MAP1LC3C: variants seen among roughly 807,000 people sequenced by gnomAD.
MAP1LC3C encodes the protein microtubule-associated protein 1 light chain 3 gamma.
In MAP1LC3C, 12 loss-of-function variants were observed where a neutral mutation model predicts 10.4. The observed-to-expected ratio is 1.15, with a 90% CI of 0.74 to 1.86. MAP1LC3C has a LOEUF of 1.86. Ranked by LOEUF, MAP1LC3C falls within the 40% of genes most tolerant of loss-of-function variation. The pLI is 0.00. For missense variants in MAP1LC3C, 177 were observed against 185.7 expected (o/e 0.95, Z 0.27); for synonymous variants, 70 against 69.0 (o/e 1.01, Z -0.07).
In MAP1LC3C at chr1:241,998,808, C is replaced by T; in HGVS notation, c.82G>A (p.Gly28Arg). Residue 28 changes from glycine to arginine, a missense_variant, in exon 2 of 4, where the codon GGA becomes AGA. Gly to Arg is a moderately radical substitution (Grantham distance 125). Coordinates refer to ENST00000357246, the MANE Select transcript of MAP1LC3C (RefSeq NM_001004343.3). ...TTGTTGGGGAACTTTGCCCGGATTC[C>T]AGCAACTTCCTCTTGTCTGATTGCT... ...SLAIRQEEVA[G>R]IRAKFPNKIP... 1 of 1,614,120 alleles carries T rather than the reference C, an allele frequency of 6.2e-7. No individual in the cohort carries two copies. Among genetic ancestry groups the T allele is most frequent in the Non-Finnish European group, 8.5e-7 (1 of 1,180,036 alleles).
chr1:241,998,430 A>G, intron 3 of MAP1LC3C, 84 bp downstream of exon 3: 2 of 1,235,896 alleles, frequency 1.6e-6, no homozygotes, highest in South Asian at 1.2e-5. Flanking sequence ...CCCATCCCCA[A>G]AATAAAACTG....
upstream of MAP1LC3C, among the ~76,000 whole-genome samples, chr1:241,999,292 A>C (rs1665150978): frequency 1.3e-5 from 2 of 152,194 alleles, no homozygotes; most frequent in African/African-American, 4.8e-5. Context: ...TTGCAAAAGA[A>C]ATTAGGGTTT....
upstream of MAP1LC3C, among the ~76,000 whole-genome samples, chr1:242,001,226 G>T (rs547527234): frequency 2.3e-4 from 35 of 152,186 alleles, no homozygotes; most frequent in African/African-American, 7.9e-4. Flanking sequence ...GCAGTAAGCT[G>T]AGATTGTGCC....
upstream of MAP1LC3C, among the ~76,000 whole-genome samples, chr1:242,000,633 G>A (rs28863307): frequency 0.58 from 87,438 of 151,990 alleles, 25,462 homozygotes; most frequent in South Asian, 0.69. Flanking sequence ...CAGAACTCAG[G>A]GAAACACTTT....
chr1:242,000,082 A>G (rs947916258), upstream of MAP1LC3C, among the ~76,000 whole-genome samples: 3 of 152,116 alleles, frequency 2.0e-5, no homozygotes, highest in Non-Finnish European at 4.4e-5. Context: ...GGTTCCCCAT[A>G]CACCGAGCAA....
Position 241,996,394 on chromosome 1 carries a change from G to A in MAP1LC3C, c.222-9C>T. The A allele has an allele frequency of 6.2e-7, 1 of 1,612,086 alleles. No homozygotes were observed. The highest frequency in any genetic ancestry group is 1.3e-5 in the African/African-American group (1 of 74,978). On this transcript the variant is annotated splice_polypyrimidine_tract_variant and intron_variant, in intron 3 of 3. Transcript: ENST00000357246. ...TCAGGACCATGCGGCTCCTGGGATG[G>A]GCAGGAGGGTGGTGAGGGTATGGCC...
upstream of MAP1LC3C, among the ~76,000 whole-genome samples, chr1:242,000,159 A>G (rs1271216394): frequency 1.3e-5 from 2 of 152,226 alleles, no homozygotes; most frequent in African/African-American, 2.4e-5. Context: ...ACCTGGAGAC[A>G]GCATCAGATC....
At chr1:242,000,339 C>A (rs192991881), upstream of MAP1LC3C, among the ~76,000 whole-genome samples, 2 of 152,180 alleles carry the variant, frequency 1.3e-5, no homozygotes, top group Admixed American at 1.3e-4. Flanking sequence ...CTCCTGAGTT[C>A]AAGCGATTTC....
rs1255105013 is a variant in MAP1LC3C at position 241,996,373 on chromosome 1, G to T, written c.234C>A (p.Val78=). ...QFLSIIRSRM[V]LRATEAFYLL... The stretch of plus-strand genomic sequence containing the variant: ...AGTAAAAGGCTTCCGTGGCTCTCAG[G>T]ACCATGCGGCTCCTGGGATGGGCAG... Residue 78 remains valine, a synonymous_variant, in exon 4 of 4, where the codon GTC becomes GTA. Coordinates refer to ENST00000357246, the MANE Select transcript of MAP1LC3C (RefSeq NM_001004343.3). 2 of 1,614,002 alleles carry T rather than the reference G, an allele frequency of 1.2e-6. No individual in the cohort carries two copies. The highest frequency in any genetic ancestry group is 2.2e-5 in the South Asian group (2 of 91,062).
chr1:241,999,589 C>T (rs536444303), upstream of MAP1LC3C, among the ~76,000 whole-genome samples: 7 of 152,268 alleles, frequency 4.6e-5, no homozygotes, highest in African/African-American at 7.2e-5. Context: ...AATCCCAGCA[C>T]GTGGGAGGCC....
upstream of MAP1LC3C, among the ~76,000 whole-genome samples, chr1:242,000,043 A>ATG (rs35676574): frequency 7.5e-4 from 113 of 150,848 alleles, no homozygotes; most frequent in Middle Eastern, 3.4e-3. Flanking sequence ...TTGACACTAG[A>ATG]TGTGTGTGTG....
chr1:241,996,002 A>G lies in MAP1LC3C; in HGVS notation c.*161T>C. On this transcript the variant is annotated 3_prime_UTR_variant, in exon 4 of 4. Transcript: ENST00000357246. ...GGACACAAGAACACGGAGCACAAAA[A>G]CTAAACTAGGAAGAGCCACCACTCT... 1 of 562,462 alleles carries G rather than the reference A, an allele frequency of 1.8e-6. No homozygotes were observed. The highest frequency in any genetic ancestry group is 3.1e-6 in the Non-Finnish European group (1 of 325,982). 34.8% of individuals were successfully genotyped at this position (562,462 alleles called of 1,614,324 possible).
Position 241,995,905 on chromosome 1 carries a change from C to T in MAP1LC3C, c.*258G>A, listed in dbSNP as rs1300765498. 1.8e-5 allele frequency: 6 copies of T among 332,738 alleles called. No homozygotes were observed. The highest frequency in any genetic ancestry group is 3.3e-5 in the Non-Finnish European group (6 of 179,838). The allele number at this position is 332,738 out of a possible 1,614,324, so 20.6% of individuals were successfully genotyped here. On this transcript the variant is annotated 3_prime_UTR_variant, in exon 4 of 4. Coordinates refer to ENST00000357246, the MANE Select transcript of MAP1LC3C (RefSeq NM_001004343.3). ...CTGTGCTCCAGCCTAGGCAATAGAG[C>T]AAGACCCTGTTTCAAAAAAAAAAAA...
At position 241,995,774 on chromosome 1, in the gene MAP1LC3C, C is replaced by T. The variant is rs898541922; in HGVS notation, c.*389G>A. The T allele has an allele frequency of 6.3e-6, 1 of 157,836 alleles. No homozygotes were observed. Among genetic ancestry groups the T allele is most frequent in the Non-Finnish European group, 1.4e-5 (1 of 71,392 alleles). 9.8% of individuals were successfully genotyped at this position (157,836 alleles called of 1,614,324 possible). Reference sequence around the variant, plus strand: ...TCTCTACTAAAAATACAAAAATTAGCCTGGTGTGGTGGCATGTGCTTGTAA... The same window carrying T: ...TCTCTACTAAAAATACAAAAATTAGTCTGGTGTGGTGGCATGTGCTTGTAA... On this transcript the variant is annotated 3_prime_UTR_variant, in exon 4 of 4. Coordinates refer to ENST00000357246, the MANE Select transcript of MAP1LC3C (RefSeq NM_001004343.3).
chr1:241,998,689 G>T, intron 2 of MAP1LC3C, 69 bp from the exon 3 acceptor site: 1 of 1,608,246 alleles, frequency 6.2e-7, no homozygotes, highest in South Asian at 1.1e-5. Context: ...CAGACAGAGG[G>T]AAGCTGTTGG....
rs769809561 is a variant in MAP1LC3C, at chr1:241,998,760, T to C, written c.114+16A>G. The C allele has an allele frequency of 1.9e-6, 3 of 1,613,378 alleles. No homozygotes were observed. Among genetic ancestry groups the C allele is most frequent in the Admixed American group, 1.7e-5 (1 of 59,944 alleles). The stretch of plus-strand genomic sequence containing the variant: ...CCACCCCCACGCCCCCCAGCGGAAG[T>C]CCAGTGGTGTCTTACCGGGATTTTG... On this transcript the variant is annotated intron_variant, in intron 2 of 3. Transcript: ENST00000357246.
At chr1:242,000,492 G>C (rs1464323861), upstream of MAP1LC3C, among the ~76,000 whole-genome samples, 1 of 152,158 alleles carries the variant, frequency 6.6e-6, no homozygotes, top group Non-Finnish European at 1.5e-5. Flanking sequence ...CTCCCAAAGA[G>C]CTGGGATCTC....
chr1:242,001,304 C>G (rs1665192694), upstream of MAP1LC3C, among the ~76,000 whole-genome samples: 1 of 150,438 alleles, frequency 6.6e-6, no homozygotes, highest in Non-Finnish European at 1.5e-5. Flanking sequence ...AAAAAAGACA[C>G]TTACCACTTT....
chr1:241,996,909 C>CAAAAAAAAAAAAAAAAAAAAAAAAAAA (rs71174887), intron 3 of MAP1LC3C, among the ~76,000 whole-genome samples: 5 of 42,774 alleles, frequency 1.2e-4, no homozygotes, highest in African/African-American at 4.4e-4. Context: ...GACTGCGTCT[C>CAAAAAAAAAAAAAAAAAAAAAAAAAAA]AAAAAAAAAA....
Sources: gnomAD v4.1 joint callset for allele counts (sites outside exome capture counted in the v4.1 genomes callset) on GRCh38, gnomAD v4.1.1 for gene constraint, MANE v1.5 for transcripts, NCBI Gene and HGNC (gene_info 2026-07-23, HGNC 2026-07-21) for gene names.